Variants in WWC2 observed in about 807,000 individuals in gnomAD.
The protein encoded by WWC2 is protein WWC2.
A neutral mutation model predicts 138.5 loss-of-function variants in WWC2; 101 were observed. The ratio of observed to expected loss-of-function variants is 0.73; its 90% confidence interval spans 0.62 to 0.86. WWC2 has a LOEUF of 0.86. Ranked by LOEUF, WWC2 falls within the 40% of genes least tolerant of loss-of-function variation. The pLI is 0.00. For missense variants in WWC2, 1,420 were observed against 1,419.4 expected, an observed-to-expected ratio of 1.00 and a Z score of -0.01; for synonymous variants, 558 against 538.4, an observed-to-expected ratio of 1.04 and a Z score of -0.50.
rs948459745 is a variant in WWC2, at chr4:183,316,801, A to G, written c.*1072A>G. On this transcript the variant is annotated 3_prime_UTR_variant, in exon 23 of 23. Transcript: ENST00000403733. ...CTCTCATTTTTAGGGGGTTCTATCT[A>G]TAATTTATGGTAAATAGTTGGGAGG... 6.6e-6 allele frequency: 1 copy of G among 152,256 alleles called. No homozygotes were observed. Among genetic ancestry groups the G allele is most frequent in the African/African-American group, 2.4e-5 (1 of 41,464 alleles). The allele number at this position is 152,256 out of a possible 1,614,324, so 9.4% of individuals were successfully genotyped here.
intron 20 of WWC2, among the ~76,000 whole-genome samples, chr4:183,287,872 C>A (rs1372889266): frequency 6.6e-6 from 1 of 152,126 alleles, no homozygotes; most frequent in Admixed American, 6.5e-5. Context: ...ACAGTCATAG[C>A]TTGAAAATGG....
At chr4:183,239,053 G>A (rs1474717727) in intron 4 of WWC2, among the ~76,000 whole-genome samples, 2 of 152,182 alleles carry the variant, frequency 1.3e-5, no homozygotes, top group Non-Finnish European at 2.9e-5. Context: ...GGTGGCTCAC[G>A]CCTGTAATCC....
At chr4:183,205,302 G>C (rs7690160) in intron 2 of WWC2, among the ~76,000 whole-genome samples, 151,816 of 152,346 alleles carry the variant, frequency 1, 75,646 homozygotes, top group Non-Finnish European at 1. Context: ...CTTGTATTTC[G>C]CTGATAATTA....
At chr4:183,253,467 T>A (rs945504411) in intron 8 of WWC2, among the ~76,000 whole-genome samples, 1 of 152,178 alleles carries the variant, frequency 6.6e-6, no homozygotes, top group Non-Finnish European at 1.5e-5. Flanking sequence ...TTTTGAAGCC[T>A]CTGTGTACTT....
At chr4:183,184,279 G>T (rs1417025557) in intron 1 of WWC2, among the ~76,000 whole-genome samples, 3 of 152,134 alleles carry the variant, frequency 2.0e-5, no homozygotes, top group Non-Finnish European at 4.4e-5. Context: ...TGTTTTGGAG[G>T]TTCATCCATA....
At chr4:183,269,597 T>G in intron 15 of WWC2, 1 of 442,304 alleles carries the variant, frequency 2.3e-6, no homozygotes, top group South Asian at 1.6e-5. Flanking sequence ...AGGAGCTGCT[T>G]AGAGAGGTAA....
intron 4 of WWC2, among the ~76,000 whole-genome samples, chr4:183,220,179 G>A (rs1580071134): frequency 6.6e-6 from 1 of 152,262 alleles, no homozygotes; most frequent in East Asian, 1.9e-4. Context: ...TGAGAATGAA[G>A]TTTGGAGTGG....
chr4:183,155,761 CT>C (rs1733786664), intron 1 of WWC2, among the ~76,000 whole-genome samples: 2 of 152,150 alleles, frequency 1.3e-5, no homozygotes, highest in Non-Finnish European at 2.9e-5. Flanking sequence ...CAGTCCTTTT[CT>C]GTACGTGAGT....
At chr4:183,277,387 A>T (rs571668135) in intron 16 of WWC2, among the ~76,000 whole-genome samples, 13 of 151,128 alleles carry the variant, frequency 8.6e-5, no homozygotes, top group Non-Finnish European at 1.8e-4. Context: ...TCATTTTTGG[A>T]CATTTGGGTT....
rs528708718 is a variant in WWC2 at position 183,241,644 on chromosome 4, C to T, written c.602+1382C>T. Among the ~76,000 whole-genome samples, 3 of 152,036 alleles carry T rather than the reference C, an allele frequency of 2.0e-5. No homozygotes were observed. The East Asian group carries it at 5.8e-4, about 29-fold the overall frequency. On this transcript the variant is annotated intron_variant, in intron 5 of 22. Transcript: ENST00000403733. ...TATGCCAGGTATATTTTATGAGATC[C>T]CAAGTGCTTCTCAAGTCCAGCCCTG...
At chr4:183,243,768 TGTGTGTGTGTGTGTGTG>T (rs2111319141) in intron 5 of WWC2, among the ~76,000 whole-genome samples, 1 of 150,184 alleles carries the variant, frequency 6.7e-6, no homozygotes, top group East Asian at 2.0e-4. Flanking sequence ...TGTGTGTGTG[TGTGTGTGTGTGTGTGTG>T]TGTGTGCATG....
In WWC2 at chr4:183,155,424, C is replaced by T. The variant is rs1454369; in HGVS notation, c.132-38175C>T. 7.0e-3 allele frequency among the ~76,000 whole-genome samples: 1,061 copies of T among 152,154 alleles called. 9 individuals carry two copies. Among genetic ancestry groups the T allele is most frequent in the Non-Finnish European group, 0.012 (813 of 67,994 alleles). On this transcript the variant is annotated intron_variant, in intron 1 of 22. Coordinates refer to ENST00000403733, the MANE Select transcript of WWC2 (RefSeq NM_024949.6). ...GGATATTGAGAGTAAGAAACTTGAA[C>T]CTGATTCTTTATGTTATAAATATCT...
At chr4:183,193,293 G>T (rs938152014) in intron 1 of WWC2, among the ~76,000 whole-genome samples, 4 of 152,124 alleles carry the variant, frequency 2.6e-5, no homozygotes, top group African/African-American at 9.7e-5. Context: ...TGGGGTATCT[G>T]TTTCACTGCA....
At chr4:183,177,948 C>T (rs1223107523) in intron 1 of WWC2, among the ~76,000 whole-genome samples, 1 of 152,190 alleles carries the variant, frequency 6.6e-6, no homozygotes, top group African/African-American at 2.4e-5. Context: ...CCTGCAAGAT[C>T]ACTGAGAGTC....
intron 4 of WWC2, among the ~76,000 whole-genome samples, chr4:183,239,974 G>A (rs905174265): frequency 1.3e-5 from 2 of 152,186 alleles, no homozygotes; most frequent in African/African-American, 4.8e-5. Context: ...AAGGTAAATA[G>A]TAGTAATAAT....
chr4:183,166,469 G>GTGTTTTGTAAA (rs1734133813), intron 1 of WWC2, among the ~76,000 whole-genome samples: 1 of 152,182 alleles, frequency 6.6e-6, no homozygotes, highest in African/African-American at 2.4e-5. Context: ...TGTTTTGTAA[G>GTGTTTTGTAAA]GTGGAGCCTC....
chr4:183,284,235 G>A lies in WWC2; in HGVS notation c.2893G>A (p.Glu965Lys), dbSNP rs779881490. 1 of 1,613,400 alleles carries A rather than the reference G, an allele frequency of 6.2e-7. No individual in the cohort carries two copies. The highest frequency in any genetic ancestry group is 1.7e-5 in the Admixed American group (1 of 59,996). ...TTAACTTCTCTTATAGGTTGACAAA[G>A]AGACAAACACTGATGAAGCCGCTAA... is the stretch of plus-strand genomic sequence containing the variant. ...PTRIPTLVDKETNTDEAANDN... is the reference protein window; with the variant it reads ...PTRIPTLVDKKTNTDEAANDN... Residue 965 changes from glutamate (E) to lysine (K), a missense_variant, in exon 19 of 23, where the codon GAG becomes AAG. Glu to Lys is a moderately conservative substitution (Grantham distance 56). Transcript: ENST00000403733.
intron 5 of WWC2, among the ~76,000 whole-genome samples, chr4:183,241,179 T>G (rs527551621): frequency 5.9e-5 from 9 of 152,300 alleles, no homozygotes; most frequent in African/African-American, 2.2e-4. Context: ...TCAGGCAGGT[T>G]TCGTGTTCTT....
intron 1 of WWC2, among the ~76,000 whole-genome samples, chr4:183,185,036 T>C (rs571909518): frequency 2.0e-4 from 31 of 152,138 alleles, no homozygotes; most frequent in Non-Finnish European, 3.8e-4. Flanking sequence ...AATTTACGTC[T>C]TTTAAACAAT....
Sources: gnomAD v4.1 joint callset for allele counts (sites outside exome capture counted in the v4.1 genomes callset) on GRCh38, gnomAD v4.1.1 for gene constraint, MANE v1.5 for transcripts, NCBI Gene and HGNC (gene_info 2026-07-23, HGNC 2026-07-21) for gene names.